The following GLS2 variants were observed in gnomAD, a reference collection of about 807,000 sequenced individuals.
GLS2 encodes glutaminase liver isoform, mitochondrial.
In GLS2, 52 loss-of-function variants were observed where a neutral mutation model predicts 79.0. The observed-to-expected ratio is 0.66, with a 90% confidence interval of 0.53 to 0.83. The LOEUF (loss-of-function observed/expected upper bound fraction) is 0.83. GLS2 is among the 40% of genes least tolerant of loss of function. The probability of loss-of-function intolerance (pLI) is 0.00; values close to 1 mark genes in which losing one functional copy is unlikely to be tolerated. For missense variants in GLS2, 561 were observed against 764.8 expected, an observed-to-expected ratio of 0.73 and a Z score of 3.14; for synonymous variants, 238 against 280.8, an observed-to-expected ratio of 0.85 and a Z score of 1.52.
chr12:56,475,148 G>A, intron 9 of GLS2, 38 bp from the exon 10 acceptor site: 4 of 1,613,096 alleles, frequency 2.5e-6, no homozygotes, highest in Non-Finnish European at 3.4e-6. Flanking sequence ...GAAGTTGGAG[G>A]AGTGGGTGTT....
In GLS2 at chr12:56,474,406, A is replaced by G; in HGVS notation, c.1224+138T>C. ...GTGTTTTTGAGAAACTCGTCTAAGGAGTCTCAACCTAATTGCCTTCCTGGA... is the reference window on the plus strand; with the variant it reads ...GTGTTTTTGAGAAACTCGTCTAAGGGGTCTCAACCTAATTGCCTTCCTGGA... On this transcript the variant is annotated intron_variant, in intron 12 of 17. Transcript: ENST00000311966. 4.1e-6 allele frequency: 4 copies of G among 987,346 alleles called. No individual in the cohort carries two copies. In the South Asian group the frequency reaches 6.3e-5, roughly 16 times the overall value. 61.2% of individuals were successfully genotyped at this position (987,346 alleles called of 1,614,324 possible).
chr12:56,474,665 G>T lies in GLS2; in HGVS notation c.1103C>A (p.Ala368Asp), dbSNP rs1471976902. Residue 368 changes from alanine to aspartate, a missense_variant, in exon 12 of 18, where the codon GCC (alanine) becomes GAC (aspartate). Ala to Asp is a moderately radical substitution (Grantham distance 126). This residue lies in a region of GLS2 where 221 missense variants were observed against 275.6 expected (regional missense o/e 0.80). Coordinates refer to ENST00000311966, the MANE Select transcript of GLS2 (RefSeq NM_013267.4). ...ESGSVMAATL[A>D]NGGICPITGE... ...TGTGATGGGGCAGATCCCACCGTTGGCGAGGGTGGCTGCCATGACACTGCC... is the reference window on the plus strand; with the variant it reads ...TGTGATGGGGCAGATCCCACCGTTGTCGAGGGTGGCTGCCATGACACTGCC... The T allele has an allele frequency of 1.2e-6, 2 of 1,613,592 alleles. No homozygotes were observed. Among genetic ancestry groups the T allele is most frequent in the Non-Finnish European group, 1.7e-6 (2 of 1,179,690 alleles).
At chr12:56,479,659 ATAAG>A in intron 3 of GLS2, 117 bp downstream of exon 3, 1 of 1,176,286 alleles carries the variant, frequency 8.5e-7, no homozygotes, top group Non-Finnish European at 1.1e-6. Context: ...AACTTATGTA[ATAAG>A]TAATAAAATA....
At chr12:56,485,347 A>G (rs1870599962) in intron 1 of GLS2, among the ~76,000 whole-genome samples, 1 of 152,002 alleles carries the variant, frequency 6.6e-6, no homozygotes, top group Non-Finnish European at 1.5e-5. Context: ...GCCTCGACCT[A>G]CAGGGCTCAA....
intron 1 of GLS2, among the ~76,000 whole-genome samples, chr12:56,481,649 G>C (rs921408637): frequency 2.0e-5 from 3 of 151,564 alleles, no homozygotes; most frequent in South Asian, 2.1e-4. Flanking sequence ...CCAGCACTTT[G>C]GGAGGCTGAG....
intron 6 of GLS2, 87 bp downstream of exon 6, chr12:56,477,846 C>A (rs1869957408): frequency 2.6e-6 from 4 of 1,549,120 alleles, no homozygotes; most frequent in Non-Finnish European, 3.5e-6. Context: ...TCAGGAAGGG[C>A]AGAGAAACAA....
chr12:56,479,586 G>T, intron 3 of GLS2, 194 bp downstream of exon 3: 1 of 608,302 alleles, frequency 1.6e-6, no homozygotes, highest in Non-Finnish European at 2.5e-6. Flanking sequence ...GGATTGAGTA[G>T]GGAGGGAAAG....
chr12:56,480,370 C>A lies in GLS2; in HGVS notation c.200G>T (p.Gly67Val). Reference protein sequence around the residue: ...QHQDHDSSESGMLSRLGDLLF... With the variant: ...QHQDHDSSESVMLSRLGDLLF... Reference sequence around the variant, plus strand: ...CAAATCACCCAGGCGGGACAGCATGCCACTTTCTGATGAATCACTGTTTGG... The same window carrying A: ...CAAATCACCCAGGCGGGACAGCATGACACTTTCTGATGAATCACTGTTTGG... Residue 67 changes from glycine (G) to valine (V), a missense_variant, in exon 2 of 18, where the codon GGC becomes GTC. By Grantham distance (109) the Gly-to-Val change is moderately radical (BLOSUM62 -3). Around this residue, in one of 4 missense-constraint regions of GLS2, gnomAD observed 161 missense variants for 167.8 expected, o/e 0.96. Transcript: ENST00000311966. 2 of 1,614,076 alleles carry A rather than the reference C, an allele frequency of 1.2e-6. No homozygotes were observed. Among genetic ancestry groups the A allele is most frequent in the Non-Finnish European group, 1.7e-6 (2 of 1,179,970 alleles).
In GLS2 at chr12:56,471,731, G is replaced by A. The variant is rs867486607; in HGVS notation, c.1652+42C>T. 8.1e-6 allele frequency: 13 copies of A among 1,612,140 alleles called. No individual in the cohort carries two copies. The South Asian group carries it at 1.1e-4, about 14-fold the overall frequency. ...GCATGGTGGCTGGAGGGTAGGTGGA[G>A]AAGCTGTGCCCACCCTCCTCCACTT... is the stretch of plus-strand genomic sequence containing the variant. On this transcript the variant is annotated intron_variant, in intron 17 of 17. Coordinates refer to ENST00000311966, the MANE Select transcript of GLS2 (RefSeq NM_013267.4).
intron 14 of GLS2, 171 bp from the exon 15 acceptor site, chr12:56,472,922 C>CT (rs1869431146): frequency 3.4e-6 from 2 of 585,726 alleles, no homozygotes; most frequent in Non-Finnish European, 5.8e-6. Flanking sequence ...GAGTCTCGCT[C>CT]TGTCGTTCAG....
intron 12 of GLS2, chr12:56,474,071 C>G (rs1183697104): frequency 5.4e-6 from 1 of 184,026 alleles, no homozygotes; most frequent in East Asian, 1.7e-4. Flanking sequence ...AGCTGCAACA[C>G]CTCTGGTTGT....
intron 16 of GLS2, 47 bp from the exon 17 acceptor site, chr12:56,471,883 C>T (rs953259692): frequency 2.5e-6 from 4 of 1,588,440 alleles, no homozygotes; most frequent in Non-Finnish European, 3.5e-6. Context: ...GGTCTTGAAC[C>T]CTTTGGTGCA....
intron 1 of GLS2, 161 bp from the exon 2 acceptor site, chr12:56,480,548 TA>T: frequency 1.6e-6 from 1 of 618,908 alleles, no homozygotes; most frequent in Non-Finnish European, 2.9e-6. Flanking sequence ...ATGTCTGTCC[TA>T]AGAAGTTGTA....
chr12:56,471,357 C>A lies in GLS2; in HGVS notation c.*130G>T. 9.9e-7 allele frequency: 1 copy of A among 1,009,774 alleles called. No individual in the cohort carries two copies. The highest frequency in any genetic ancestry group is 1.4e-6 in the Non-Finnish European group (1 of 707,608). 62.6% of individuals were successfully genotyped at this position (1,009,774 alleles called of 1,614,324 possible). A position where few individuals can be genotyped will look rare whatever the true frequency, so the allele number is the denominator to read the frequency against. Reference sequence around the variant, plus strand: ...TTTGACTCCCATAGAAAGCACTAGCCTAAGTCACCAAATGACTGCTTGGTC... The same window carrying A: ...TTTGACTCCCATAGAAAGCACTAGCATAAGTCACCAAATGACTGCTTGGTC... On this transcript the variant is annotated 3_prime_UTR_variant, in exon 18 of 18. Transcript: ENST00000311966.
intron 1 of GLS2, among the ~76,000 whole-genome samples, chr12:56,483,375 G>A (rs1351347817): frequency 6.6e-6 from 1 of 152,026 alleles, no homozygotes; most frequent in East Asian, 1.9e-4. Context: ...CACCGCGCCC[G>A]GCCCTCATCA....
chr12:56,479,362 G>A, intron 3 of GLS2, 181 bp from the exon 4 acceptor site: 3 of 664,172 alleles, frequency 4.5e-6, no homozygotes, highest in Middle Eastern at 4.3e-4. Context: ...TCTAAAATGA[G>A]GGGTTTTAAT....
Position 56,480,275 on chromosome 12 carries a change from G to A in GLS2, c.282+13C>T. ...AAGGAATTAGGATCCTGAACAGGTA[G>A]AGGGCAACTTACAGTGGTGAACTTG... is the stretch of plus-strand genomic sequence containing the variant. On this transcript the variant is annotated intron_variant, in intron 2 of 17. Coordinates refer to ENST00000311966, the MANE Select transcript of GLS2 (RefSeq NM_013267.4). 6.2e-7 allele frequency: 1 copy of A among 1,608,522 alleles called. No individual in the cohort carries two copies. The highest frequency in any genetic ancestry group is 8.5e-7 in the Non-Finnish European group (1 of 1,174,970).
At position 56,487,934 on chromosome 12, in the gene GLS2, T is replaced by C; in HGVS notation, c.182+3A>G. ...GTCCCCTGCCCTGTCCCAGGAGCCT[T>C]ACTGATCCTGGTGCTGCGGCTGGTG... On this transcript the variant is annotated splice_donor_region_variant and intron_variant, in intron 1 of 17. Transcript: ENST00000311966. 6.2e-7 allele frequency: 1 copy of C among 1,602,312 alleles called. No homozygotes were observed. Among genetic ancestry groups the C allele is most frequent in the Non-Finnish European group, 8.5e-7 (1 of 1,179,554 alleles).
chr12:56,474,726 AAAAC>A lies in GLS2; in HGVS notation c.1048-10_1048-7del, dbSNP rs750942700. 1.9e-5 allele frequency: 30 copies of A among 1,608,418 alleles called. 1 individual carries two copies. In the Admixed American group the frequency reaches 3.2e-4, roughly 17 times the overall value. On this transcript the variant is annotated splice_region_variant and splice_polypyrimidine_tract_variant and intron_variant, in intron 11 of 17. Coordinates refer to ENST00000311966, the MANE Select transcript of GLS2 (RefSeq NM_013267.4). ...GTGACCTCCACAGAACACAGCTATG[AAAAC>A]AAAGAATAGGTGAAGATGTGACGTG...
Sources: gnomAD v4.1 joint callset for allele counts (sites outside exome capture counted in the v4.1 genomes callset) on GRCh38, gnomAD v4.1.1 for gene constraint, gnomAD v4.1.1 regional missense constraint, MANE v1.5 for transcripts, NCBI Gene and HGNC (gene_info 2026-07-23, HGNC 2026-07-21) for gene names.